Variants in CNTLN observed in about 807,000 individuals in gnomAD.
CNTLN encodes the protein centlein, also known as centlein, centrosomal protein.
Under a neutral mutation model 180.0 loss-of-function variants are expected in CNTLN, and 212 were observed. The ratio of observed to expected loss-of-function variants is 1.18; its 90% confidence interval spans 1.05 to 1.32. The LOEUF (loss-of-function observed/expected upper bound fraction) is 1.32, where lower values mean the gene tolerates loss of function less well. Ranked by LOEUF, CNTLN falls within the 40% of genes most tolerant of loss-of-function variation. The pLI, the probability that CNTLN is intolerant of heterozygous loss-of-function variation, is 0.00. For missense variants in CNTLN, 2,095 were observed against 1,610.9 expected (o/e 1.30, Z -5.14); for synonymous variants, 722 against 563.1 (o/e 1.28, Z -3.99).
chr9:17,440,079 A>G (rs1830014272), intron 18 of CNTLN, among the ~76,000 whole-genome samples: 1 of 152,230 alleles, frequency 6.6e-6, no homozygotes, highest in South Asian at 2.1e-4. Context: ...CAAATCCAGA[A>G]GCTGGATCGC....
intron 18 of CNTLN, among the ~76,000 whole-genome samples, chr9:17,441,376 TAATG>T (rs1364918482): frequency 3.3e-5 from 5 of 152,162 alleles, no homozygotes; most frequent in Admixed American, 6.5e-5. Flanking sequence ...AAAAATATGA[TAATG>T]AATACATAAT....
chr9:17,298,381 A>C (rs751479984), intron 7 of CNTLN, 29 bp downstream of exon 7: 1 of 1,565,614 alleles, frequency 6.4e-7, no homozygotes, highest in Non-Finnish European at 8.6e-7. Context: ...ATAAAGATGT[A>C]AATGTTTATG....
At chr9:17,262,198 C>T (rs892505658) in intron 5 of CNTLN, among the ~76,000 whole-genome samples, 3 of 151,422 alleles carry the variant, frequency 2.0e-5, no homozygotes, top group East Asian at 1.9e-4. Flanking sequence ...CCAGGAACAC[C>T]ATTTGACCCA....
chr9:17,383,901 G>T (rs1327262461), intron 13 of CNTLN, among the ~76,000 whole-genome samples: 1 of 152,040 alleles, frequency 6.6e-6, no homozygotes, highest in South Asian at 2.1e-4. Context: ...GCCTCCCAAA[G>T]TACTGAGATT....
intron 18 of CNTLN, among the ~76,000 whole-genome samples, chr9:17,442,352 A>G (rs1830160092): frequency 6.6e-6 from 1 of 152,230 alleles, no homozygotes; most frequent in Non-Finnish European, 1.5e-5. Flanking sequence ...CTAAAGAGCA[A>G]TAGCAGAAGG....
chr9:17,309,529 A>T lies in CNTLN; in HGVS notation c.1341+277A>T, dbSNP rs144248402. On this transcript the variant is annotated intron_variant, in intron 8 of 25. Coordinates refer to ENST00000380647, the MANE Select transcript of CNTLN (RefSeq NM_017738.4). ...GATATACATTATTGAAAAGCAAATT[A>T]ATAGGTCATGCCCATTTTGAGACTT... 5.2e-3 allele frequency among the ~76,000 whole-genome samples: 797 copies of T among 152,132 alleles called. 7 individuals carry two copies. Among genetic ancestry groups the T allele is most frequent in the African/African-American group, 0.017 (689 of 41,550 alleles).
chr9:17,260,576 C>G (rs1471834005), intron 5 of CNTLN, among the ~76,000 whole-genome samples: 1 of 151,306 alleles, frequency 6.6e-6, no homozygotes, highest in Middle Eastern at 3.4e-3. Flanking sequence ...GATGTTAGAA[C>G]CCTGTTAGAT....
intron 7 of CNTLN, chr9:17,298,586 A>G (rs1818120394): frequency 8.9e-7 from 1 of 1,119,374 alleles, no homozygotes; most frequent in Non-Finnish European, 1.1e-6. Context: ...CTTACTCTAT[A>G]GGGTATTATT....
intron 5 of CNTLN, among the ~76,000 whole-genome samples, chr9:17,243,837 T>G (rs568619899): frequency 6.6e-6 from 1 of 152,214 alleles, no homozygotes; most frequent in Non-Finnish European, 1.5e-5. Flanking sequence ...TGTTCTGTAG[T>G]GCAGATGAGT....
At chr9:17,407,712 TAC>T (rs1827501932) in intron 15 of CNTLN, among the ~76,000 whole-genome samples, 1 of 152,178 alleles carries the variant, frequency 6.6e-6, no homozygotes, top group Non-Finnish European at 1.5e-5. Flanking sequence ...CAGAGAAGCT[TAC>T]ACACTTTTAG....
chr9:17,299,785 C>G, intron 7 of CNTLN: 1 of 984,228 alleles, frequency 1.0e-6, no homozygotes, highest in Non-Finnish European at 1.2e-6. Flanking sequence ...TAATTGTTTT[C>G]TCTTTTTCCC....
At chr9:17,143,417 TGA>T (rs1197371672) in intron 2 of CNTLN, 41 bp downstream of exon 2, 3 of 1,423,180 alleles carry the variant, frequency 2.1e-6, no homozygotes, top group Non-Finnish European at 2.0e-6. Flanking sequence ...TTTGGTGTGT[TGA>T]GTTTGTTTCT....
Position 17,299,710 on chromosome 9 carries a change from C to A in CNTLN, c.1146+1358C>A, listed in dbSNP as rs541347636. On this transcript the variant is annotated intron_variant, in intron 7 of 25. Coordinates refer to ENST00000380647, the MANE Select transcript of CNTLN (RefSeq NM_017738.4). ...GTGTTTTTTGTTTCTAAAGCACGTT[C>A]CATTGCTAAAATGATTTGAAACACT... The A allele has an allele frequency of 3.4e-4, 335 of 985,058 alleles. 1 individual carries two copies. Among genetic ancestry groups the A allele is most frequent in the Non-Finnish European group, 2.2e-4 (182 of 829,692 alleles). 61.0% of individuals were successfully genotyped at this position (985,058 alleles called of 1,614,324 possible). A position where few individuals can be genotyped will look rare whatever the true frequency, so the allele number is the denominator to read the frequency against.
At chr9:17,387,224 CAA>C (rs919460722) in intron 13 of CNTLN, among the ~76,000 whole-genome samples, 3 of 152,080 alleles carry the variant, frequency 2.0e-5, no homozygotes, top group Non-Finnish European at 4.4e-5. Context: ...GTTGAGAAAT[CAA>C]AGTTTTACAC....
At chr9:17,485,602 T>C (rs893628964) in intron 24 of CNTLN, among the ~76,000 whole-genome samples, 1 of 152,114 alleles carries the variant, frequency 6.6e-6, no homozygotes, top group Non-Finnish European at 1.5e-5. Flanking sequence ...TTAAAATATG[T>C]CGATTGATGA....
At chr9:17,157,219 A>T (rs1334013553) in intron 2 of CNTLN, among the ~76,000 whole-genome samples, 1 of 152,242 alleles carries the variant, frequency 6.6e-6, no homozygotes, top group African/African-American at 2.4e-5. Flanking sequence ...TCATAGTGTC[A>T]TGACTTACCA....
At chr9:17,371,763 A>G (rs1432440549) in intron 13 of CNTLN, among the ~76,000 whole-genome samples, 2 of 152,158 alleles carry the variant, frequency 1.3e-5, no homozygotes, top group African/African-American at 2.4e-5. Context: ...AATATCAAGC[A>G]TCTTACCTGA....
intron 2 of CNTLN, among the ~76,000 whole-genome samples, chr9:17,189,638 C>T (rs1821668893): frequency 2.6e-5 from 4 of 151,436 alleles, no homozygotes; most frequent in Admixed American, 2.6e-4. Context: ...TGCCCACCAT[C>T]ACACCTGACT....
chr9:17,495,865 G>A (rs959758401), intron 25 of CNTLN, among the ~76,000 whole-genome samples: 2 of 151,984 alleles, frequency 1.3e-5, no homozygotes, highest in Non-Finnish European at 2.9e-5. Context: ...CTATGTTTAG[G>A]TATACTAATA....
Sources: gnomAD v4.1 joint callset for allele counts (sites outside exome capture counted in the v4.1 genomes callset) on GRCh38, gnomAD v4.1.1 for gene constraint, MANE v1.5 for transcripts, NCBI Gene and HGNC (gene_info 2026-07-23, HGNC 2026-07-21) for gene names.